MDFIC2: variants seen among roughly 807,000 people sequenced by gnomAD.
MDFIC2 encodes MyoD family inhibitor domain containing 2.
intron 2 of MDFIC2, among the ~76,000 whole-genome samples, chr3:70,279,109 T>G (rs775343071): frequency 2.7e-5 from 4 of 150,428 alleles, no homozygotes; most frequent in Non-Finnish European, 5.9e-5. Context: ...ACATACTAGA[T>G]AGATTATTTC....
intron 2 of MDFIC2, among the ~76,000 whole-genome samples, chr3:70,260,748 T>C (rs991599666): frequency 6.6e-6 from 1 of 151,986 alleles, no homozygotes; most frequent in Non-Finnish European, 1.5e-5. Flanking sequence ...GATTTAGGGA[T>C]GGTAATGAAC....
At chr3:70,203,308 A>G (rs1401566022) in intron 3 of MDFIC2, among the ~76,000 whole-genome samples, 1 of 152,144 alleles carries the variant, frequency 6.6e-6, no homozygotes, top group Non-Finnish European at 1.5e-5. Flanking sequence ...AAAGTTTCCA[A>G]AAGTGTAAAA....
intron 3 of MDFIC2, among the ~76,000 whole-genome samples, chr3:70,202,579 C>T (rs1023133192): frequency 4.6e-5 from 7 of 152,134 alleles, no homozygotes; most frequent in African/African-American, 1.7e-4. Flanking sequence ...TTGAAGTGCC[C>T]ACCTGGCTTT....
intron 2 of MDFIC2, among the ~76,000 whole-genome samples, chr3:70,290,737 G>C (rs1414801840): frequency 6.6e-6 from 1 of 152,178 alleles, no homozygotes; most frequent in Non-Finnish European, 1.5e-5. Context: ...GACCCTCCGA[G>C]CCAGGTGCAG....
intron 2 of MDFIC2, among the ~76,000 whole-genome samples, chr3:70,242,021 G>A (rs1480018507): frequency 6.6e-6 from 1 of 152,134 alleles, no homozygotes; most frequent in Non-Finnish European, 1.5e-5. Flanking sequence ...TGTGTGCAAC[G>A]GCTGACTACA....
intron 2 of MDFIC2, among the ~76,000 whole-genome samples, chr3:70,296,438 G>T (rs1227869823): frequency 1.3e-5 from 2 of 151,966 alleles, no homozygotes; most frequent in Non-Finnish European, 2.9e-5. Flanking sequence ...GAAACACTGA[G>T]CCCCAGTTTA....
intron 2 of MDFIC2, among the ~76,000 whole-genome samples, chr3:70,215,447 A>G (rs906973549): frequency 6.6e-6 from 1 of 152,028 alleles, no homozygotes; most frequent in African/African-American, 2.4e-5. Context: ...CTGGTATTTG[A>G]TTAGGAGGTA....
intron 2 of MDFIC2, among the ~76,000 whole-genome samples, chr3:70,239,798 C>G (rs1341572617): frequency 2.0e-5 from 3 of 152,096 alleles, no homozygotes; most frequent in African/African-American, 4.8e-5. Flanking sequence ...ACAGTGACGT[C>G]TCGTTCAACT....
intron 2 of MDFIC2, among the ~76,000 whole-genome samples, chr3:70,297,159 A>G (rs9826054): frequency 0.35 from 53,900 of 151,934 alleles, 9,858 homozygotes; most frequent in East Asian, 0.52. Context: ...TGCACAGTAC[A>G]CTGCTTGTCA....
In MDFIC2 at chr3:70,194,605, G is replaced by T. The variant is rs1380193602; in HGVS notation, c.*2321C>A. 3.3e-5 allele frequency among the ~76,000 whole-genome samples: 5 copies of T among 152,142 alleles called. No individual in the cohort carries two copies. Among genetic ancestry groups the T allele is most frequent in the Admixed American group, 3.3e-4 (5 of 15,270 alleles). On this transcript the variant is annotated 3_prime_UTR_variant, in exon 4 of 4. Transcript: ENST00000567252. ...GTGAGGAACAAAGTTAACAAACCGTGGAAAGCAAGGCCACAGAAAGATCTT... is the reference window on the plus strand; with the variant it reads ...GTGAGGAACAAAGTTAACAAACCGTTGAAAGCAAGGCCACAGAAAGATCTT...
intron 2 of MDFIC2, among the ~76,000 whole-genome samples, chr3:70,214,595 G>A (rs1430098104): frequency 1.8e-5 from 2 of 110,158 alleles, no homozygotes; most frequent in African/African-American, 6.9e-5. Flanking sequence ...AATTTTTGGG[G>A]GCTGAAGTGG....
At chr3:70,209,386 C>T (rs183630980) in intron 2 of MDFIC2, among the ~76,000 whole-genome samples, 6 of 152,152 alleles carry the variant, frequency 3.9e-5, no homozygotes, top group African/African-American at 7.2e-5. Flanking sequence ...CACACACACA[C>T]GAACACACAC....
intron 3 of MDFIC2, chr3:70,205,758 T>C (rs1312564189): frequency 6.6e-6 from 1 of 152,106 alleles, no homozygotes; most frequent in Non-Finnish European, 1.5e-5. Flanking sequence ...AAAAAGTAAA[T>C]ATGTATTTAA....
chr3:70,309,644 T>C (rs542350762), intron 2 of MDFIC2, among the ~76,000 whole-genome samples: 2 of 152,264 alleles, frequency 1.3e-5, no homozygotes, highest in African/African-American at 4.8e-5. Context: ...TTTGACTTTT[T>C]TAAATATATG....
intron 2 of MDFIC2, among the ~76,000 whole-genome samples, chr3:70,239,605 C>G (rs969001862): frequency 2.0e-5 from 3 of 152,090 alleles, no homozygotes; most frequent in African/African-American, 7.2e-5. Flanking sequence ...CACTAAAGAG[C>G]TCTGTGATTC....
chr3:70,227,837 ATAG>A (rs994903242), intron 2 of MDFIC2, among the ~76,000 whole-genome samples: 6 of 152,168 alleles, frequency 3.9e-5, no homozygotes, highest in African/African-American at 1.4e-4. Flanking sequence ...ATAAATGCAG[ATAG>A]TAGTAAGCGG....
At chr3:70,303,704 T>A (rs982323695) in intron 2 of MDFIC2, among the ~76,000 whole-genome samples, 3 of 152,102 alleles carry the variant, frequency 2.0e-5, no homozygotes, top group African/African-American at 2.4e-5. Flanking sequence ...TTTTCTGAGG[T>A]GGAGTCTTAC....
At chr3:70,207,826 A>G (rs1253256498) in intron 2 of MDFIC2, among the ~76,000 whole-genome samples, 2 of 152,004 alleles carry the variant, frequency 1.3e-5, no homozygotes, top group Non-Finnish European at 2.9e-5. Flanking sequence ...GCATCTGAAA[A>G]TTTCGATATC....
At chr3:70,234,496 A>G (rs1369702572) in intron 2 of MDFIC2, among the ~76,000 whole-genome samples, 1 of 152,080 alleles carries the variant, frequency 6.6e-6, no homozygotes, top group Non-Finnish European at 1.5e-5. Flanking sequence ...AAAAAATAGA[A>G]TAATCAGCCA....
Sources: allele counts gnomAD v4.1 joint callset (sites outside exome capture counted in the v4.1 genomes callset), GRCh38; gene constraint gnomAD v4.1.1; transcripts MANE v1.5; gene names NCBI Gene and HGNC (gene_info 2026-07-23, HGNC 2026-07-21).